ZNF649: variants seen among roughly 807,000 people sequenced by gnomAD.
ZNF649 encodes zinc finger protein 649.
Under a neutral mutation model 14.1 loss-of-function variants are expected in ZNF649, and 7 were observed. That is an observed-to-expected ratio of 0.49 (90% CI 0.28 to 0.93). The LOEUF (loss-of-function observed/expected upper bound fraction) is 0.93. Ranked by LOEUF, ZNF649 falls within the 40% of genes least tolerant of loss-of-function variation. ZNF649 has a pLI of 0.10. For missense variants in ZNF649, 544 were observed against 608.1 expected (o/e 0.89, Z 1.11); for synonymous variants, 227 against 212.3 (o/e 1.07, Z -0.60).
Position 51,895,108 on chromosome 19 carries a change from A to C in ZNF649, c.238+1364T>G, listed in dbSNP as rs562203829. On this transcript the variant is annotated intron_variant, in intron 4 of 4. Coordinates refer to ENST00000354957, the MANE Select transcript of ZNF649 (RefSeq NM_023074.4). ...CCAGGCCCTTGACTCCAGAGTAGCA[A>C]AGGAACCTCAAGCACCACCAAATCA... 3.3e-5 allele frequency among the ~76,000 whole-genome samples: 5 copies of C among 152,322 alleles called. No homozygotes were observed. In the East Asian group the frequency reaches 9.7e-4, roughly 29 times the overall value.
rs577385642 is a variant in ZNF649, at chr19:51,895,589, G to A, written c.238+883C>T. Among the ~76,000 whole-genome samples the A allele has an allele frequency of 2.8e-4, 43 of 152,036 alleles. No individual in the cohort carries two copies. In the East Asian group the frequency reaches 5.6e-3, roughly 20 times the overall value. On this transcript the variant is annotated intron_variant, in intron 4 of 4. Coordinates refer to ENST00000354957, the MANE Select transcript of ZNF649 (RefSeq NM_023074.4). ...AAACTCCTGACTTTGTGATCCGCCC[G>A]CCTCAGCCTCCCAAAGTGCTGGGAT...
rs2085024504 is a variant in ZNF649, at chr19:51,891,765, T to C, written c.371A>G (p.Tyr124Cys). The C allele has an allele frequency of 6.2e-7, 1 of 1,614,168 alleles. No homozygotes were observed. The highest frequency in any genetic ancestry group is 8.5e-7 in the Non-Finnish European group (1 of 1,180,036). Residue 124 changes from tyrosine (Y) to cysteine (C), a missense_variant, in exon 5 of 5, where the codon TAC becomes TGC. Transcript: ENST00000354957. The surrounding 1 kb of genome is among the most constrained non-coding windows in gnomAD (Gnocchi z 4.2). ...YLGLTNQSRR[Y>C]NRKEPAEFNG... ...AAACTCAGCAGGCTCCTTTCTGTTGTATCTTCTGCTCTGGTTGGTTAAACC... is the reference window on the plus strand; with the variant it reads ...AAACTCAGCAGGCTCCTTTCTGTTGCATCTTCTGCTCTGGTTGGTTAAACC...
In ZNF649 at chr19:51,890,553, G is replaced by T; in HGVS notation, c.*65C>A. ...TACATATTAGTGCAGGGAGCCAAAG[G>T]CCCATGGGACATGACAAACTCAGCA... On this transcript the variant is annotated 3_prime_UTR_variant, in exon 5 of 5. Coordinates refer to ENST00000354957, the MANE Select transcript of ZNF649 (RefSeq NM_023074.4). 2 of 1,074,174 alleles carry T rather than the reference G, an allele frequency of 1.9e-6. No homozygotes were observed. Among genetic ancestry groups the T allele is most frequent in the Non-Finnish European group, 2.8e-6 (2 of 718,732 alleles). 66.5% of individuals were successfully genotyped at this position (1,074,174 alleles called of 1,614,324 possible). A position where few individuals can be genotyped will look rare whatever the true frequency, so the allele number is the denominator to read the frequency against.
intron 2 of ZNF649, chr19:51,899,836 AC>A (rs1194543738): frequency 2.8e-5 from 10 of 363,588 alleles, no homozygotes; most frequent in Non-Finnish European, 2.9e-5. Flanking sequence ...AAGATTTTGG[AC>A]ACAAGCTGAC....
At chr19:51,902,823 T>C (rs1425947433) in intron 1 of ZNF649, among the ~76,000 whole-genome samples, 1 of 152,222 alleles carries the variant, frequency 6.6e-6, no homozygotes, top group East Asian at 1.9e-4. Flanking sequence ...ATTTGACATT[T>C]TCAGTGATCG....
chr19:51,890,850 G>A lies in ZNF649; in HGVS notation c.1286C>T (p.Pro429Leu). Residue 429 changes from proline to leucine, a missense_variant, in exon 5 of 5, where the codon CCC becomes CTC. Physicochemically the swap from Pro to Leu is moderately conservative, Grantham distance 98 (BLOSUM62 -3). Coordinates refer to ENST00000354957, the MANE Select transcript of ZNF649 (RefSeq NM_023074.4). The stretch of plus-strand genomic sequence containing the variant: ...TTTCTCACACTCATCACAGCCATAG[G>A]GTCTCTCTCCCGTGTGAGTTCTGTG... ...VHHRTHTGERPYGCDECEKAY... is the reference protein window; with the variant it reads ...VHHRTHTGERLYGCDECEKAY... 1 of 1,614,154 alleles carries A rather than the reference G, an allele frequency of 6.2e-7. No individual in the cohort carries two copies. Among genetic ancestry groups the A allele is most frequent in the Middle Eastern group, 1.6e-4 (1 of 6,062 alleles).
In ZNF649 at chr19:51,891,907, A is replaced by AG. The variant is rs1242086268; in HGVS notation, c.239-11dup. Reference sequence around the variant, plus strand: ...TCAGCTTTCTCAATTTCTAAGAGAGAGAACAATAAATCCTTCCATGATCAT... The same window carrying AG: ...TCAGCTTTCTCAATTTCTAAGAGAGAGGAACAATAAATCCTTCCATGATCAT... On this transcript the variant is annotated splice_polypyrimidine_tract_variant and intron_variant, in intron 4 of 4. Transcript: ENST00000354957. The surrounding 1 kb of genome is among the most constrained non-coding windows in gnomAD (Gnocchi z 4.2). The AG allele has an allele frequency of 6.5e-7, 1 of 1,542,992 alleles. No homozygotes were observed. The highest frequency in any genetic ancestry group is 1.3e-5 in the South Asian group (1 of 76,938).
chr19:51,890,648 C>T lies in ZNF649; in HGVS notation c.1488G>A (p.Gln496=). The T allele has an allele frequency of 1.2e-6, 2 of 1,613,138 alleles. No homozygotes were observed. The highest frequency in any genetic ancestry group is 1.1e-5 in the South Asian group (1 of 90,994). ...AATGCAGGATGTGGGCAAACTCACA[C>T]TGCCCTGCCACCATTGCCACAGTTA... ...NMVTVAMVAG[Q]CEFAHILHS Residue 496 remains glutamine (Q), a synonymous_variant, in exon 5 of 5, where the codon CAG becomes CAA. Coordinates refer to ENST00000354957, the MANE Select transcript of ZNF649 (RefSeq NM_023074.4).
At position 51,890,289 on chromosome 19, in the gene ZNF649, G is replaced by C; in HGVS notation, c.*329C>G. 4.4e-6 allele frequency: 1 copy of C among 226,960 alleles called. No homozygotes were observed. Among genetic ancestry groups the C allele is most frequent in the South Asian group, 1.0e-4 (1 of 9,670 alleles). 14.1% of individuals were successfully genotyped at this position (226,960 alleles called of 1,614,324 possible). A position where few individuals can be genotyped will look rare whatever the true frequency, so the allele number is the denominator to read the frequency against. On this transcript the variant is annotated 3_prime_UTR_variant, in exon 5 of 5. Coordinates refer to ENST00000354957, the MANE Select transcript of ZNF649 (RefSeq NM_023074.4). Reference sequence around the variant, plus strand: ...TATACACAAAAAGATTTGTGAACTTGAACAAGGCAAGAGATACAATCTAAA... The same window carrying C: ...TATACACAAAAAGATTTGTGAACTTCAACAAGGCAAGAGATACAATCTAAA...
intron 2 of ZNF649, among the ~76,000 whole-genome samples, chr19:51,899,204 C>T (rs973035165): frequency 4.6e-5 from 7 of 152,154 alleles, no homozygotes; most frequent in Non-Finnish European, 8.8e-5. Context: ...AATATATATA[C>T]GTGTAAAACC....
In ZNF649 at chr19:51,891,127, G is replaced by A; in HGVS notation, c.1009C>T (p.Gln337Ter). 1.8e-5 allele frequency: 29 copies of A among 1,614,140 alleles called. No individual in the cohort carries two copies. Among genetic ancestry groups the A allele is most frequent in the Non-Finnish European group, 2.5e-5 (29 of 1,180,000 alleles). ...FIQKGNLNIHQRTHTGEKPYG... is the reference protein window; with the variant it reads ...FIQKGNLNIH ...GGTTTCTCTCCAGTGTGAGTTCGTT[G>A]ATGTATGTTGAGATTGCCCTTCTGA... Residue 337 changes from glutamine (Q) to a stop codon, truncating the protein, a stop_gained, in exon 5 of 5, where the codon CAA becomes TAA. Coordinates refer to ENST00000354957, the MANE Select transcript of ZNF649 (RefSeq NM_023074.4). LOFTEE classifies it low-confidence loss of function (END_TRUNC). The surrounding 1 kb of genome is among the most constrained non-coding windows in gnomAD (Gnocchi z 4.2).
intron 1 of ZNF649, among the ~76,000 whole-genome samples, chr19:51,901,133 T>A (rs1211271335): frequency 6.6e-6 from 1 of 152,022 alleles, no homozygotes; most frequent in African/African-American, 2.4e-5. Context: ...ACCAAGGAAG[T>A]TTATTAGAGA....
intron 4 of ZNF649, among the ~76,000 whole-genome samples, chr19:51,894,774 C>A (rs2085048480): frequency 6.6e-6 from 1 of 152,106 alleles, no homozygotes; most frequent in Admixed American, 6.5e-5. Flanking sequence ...CTGTTTCTCA[C>A]TAAATTCAGT....
Position 51,896,521 on chromosome 19 carries a change from T to C in ZNF649, c.189A>G (p.Gly63=). ...KPDALTKLEQ[G]EPLWTLEDEI... ...CATCTTCTAGTGTCCATAGTGGTTCTCCTTGTTCCAACTTGGTGAGGGCAT... is the reference window on the plus strand; with the variant it reads ...CATCTTCTAGTGTCCATAGTGGTTCCCCTTGTTCCAACTTGGTGAGGGCAT... Residue 63 remains glycine, a synonymous_variant, in exon 4 of 5, where the codon GGA becomes GGG. Transcript: ENST00000354957. 1 of 1,614,176 alleles carries C rather than the reference T, an allele frequency of 6.2e-7. No homozygotes were observed. The highest frequency in any genetic ancestry group is 8.5e-7 in the Non-Finnish European group (1 of 1,180,034).
rs60007447 is a variant in ZNF649 at position 51,901,660 on chromosome 19, T to TAAA, written c.-187-1369_-187-1367dup. On this transcript the variant is annotated intron_variant, in intron 1 of 4. Coordinates refer to ENST00000354957, the MANE Select transcript of ZNF649 (RefSeq NM_023074.4). ...ACCCTGTCTCTTAAAAATAAAAAAA[T>TAAA]AAAAAAAAATAAAGGCCGAGCGTGT... Among the ~76,000 whole-genome samples, 546 of 149,968 alleles carry TAAA rather than the reference T, an allele frequency of 3.6e-3. 2 individuals are homozygous for TAAA. The highest frequency in any genetic ancestry group is 1.0e-2 in the African/African-American group (409 of 40,926).
intron 4 of ZNF649, among the ~76,000 whole-genome samples, chr19:51,892,172 A>C (rs1275755968): frequency 2.0e-5 from 3 of 150,848 alleles, no homozygotes; most frequent in Non-Finnish European, 4.4e-5. Flanking sequence ...TCAAGAGATC[A>C]AGACCATCCT....
intron 4 of ZNF649, among the ~76,000 whole-genome samples, chr19:51,894,635 T>C (rs1380745839): frequency 6.6e-6 from 1 of 152,252 alleles, no homozygotes; most frequent in Non-Finnish European, 1.5e-5. Flanking sequence ...TATTTACTAT[T>C]CACTTTAACT....
intron 4 of ZNF649, chr19:51,896,259 G>A (rs1394647033): frequency 2.5e-6 from 1 of 396,954 alleles, no homozygotes; most frequent in Non-Finnish European, 4.6e-6. Flanking sequence ...CATCTAAGAA[G>A]AAATGAATAG....
At position 51,890,506 on chromosome 19, in the gene ZNF649, T is replaced by TTA; in HGVS notation, c.*111_*112insTA. Reference sequence around the variant, plus strand: ...AAGATATAAAAAAGTAAAATATATTTCATATCTTGTAAACCCTACTATACA... The same window carrying TTA: ...AAGATATAAAAAAGTAAAATATATTTTACATATCTTGTAAACCCTACTATACA... On this transcript the variant is annotated 3_prime_UTR_variant, in exon 5 of 5. Transcript: ENST00000354957. 1 of 667,942 alleles carries TTA rather than the reference T, an allele frequency of 1.5e-6. No homozygotes were observed. The highest frequency in any genetic ancestry group is 2.5e-6 in the Non-Finnish European group (1 of 397,690). 41.4% of individuals were successfully genotyped at this position (667,942 alleles called of 1,614,324 possible). A position where few individuals can be genotyped will look rare whatever the true frequency, so the allele number is the denominator to read the frequency against.
Sources: gnomAD v4.1 joint callset for allele counts (sites outside exome capture counted in the v4.1 genomes callset) on GRCh38, gnomAD v4.1.1 for gene constraint, Gnocchi (gnomAD v3.1) non-coding constraint, MANE v1.5 for transcripts, NCBI Gene and HGNC (gene_info 2026-07-23, HGNC 2026-07-21) for gene names.